SEC11A: variants seen among roughly 807,000 people sequenced by gnomAD.
The protein encoded by SEC11A is SEC11 homolog A, signal peptidase complex subunit.
SEC11A carries 14 observed loss-of-function variants against 25.6 expected under a neutral mutation model. The ratio of observed to expected loss-of-function variants is 0.55; its 90% confidence interval spans 0.36 to 0.85. The LOEUF (loss-of-function observed/expected upper bound fraction) is 0.85. Ranked by LOEUF, SEC11A falls within the 40% of genes least tolerant of loss-of-function variation. The probability of loss-of-function intolerance (pLI) is 0.01; values close to 1 mark genes in which losing one functional copy is unlikely to be tolerated. For missense variants in SEC11A, 153 were observed against 222.9 expected (o/e 0.69, Z 2.00); for synonymous variants, 83 against 76.4 (o/e 1.09, Z -0.45).
intron 4 of SEC11A, chr15:84,672,557 G>GT (rs1163565828): frequency 5.5e-6 from 1 of 180,490 alleles, no homozygotes. Context: ...ACGGAGTCTC[G>GT]TTCACTCAGT....
chr15:84,687,786 A>G lies in SEC11A; in HGVS notation c.162-12T>C, dbSNP rs374981318. 4.7e-5 allele frequency: 74 copies of G among 1,584,448 alleles called. No individual in the cohort carries two copies. Among genetic ancestry groups the G allele is most frequent in the Non-Finnish European group, 6.1e-5 (72 of 1,172,320 alleles). On this transcript the variant is annotated splice_polypyrimidine_tract_variant and intron_variant, in intron 2 of 5. Coordinates refer to ENST00000268220, the MANE Select transcript of SEC11A (RefSeq NM_014300.4). ...GTTCCATGCTGCCACTGGAAGGGAA[A>G]GAAGAATATAACAGCAAAAAGAAAG... is the stretch of plus-strand genomic sequence containing the variant.
At chr15:84,714,875 G>C (rs943306380) in intron 1 of SEC11A, 1 of 152,094 alleles carries the variant, frequency 6.6e-6, no homozygotes. Flanking sequence ...ACCTAGCATA[G>C]AGTACAATAA....
At chr15:84,703,416 G>A (rs758147969) in intron 1 of SEC11A, among the ~76,000 whole-genome samples, 5 of 152,184 alleles carry the variant, frequency 3.3e-5, no homozygotes, top group Admixed American at 1.3e-4. Context: ...GGCTCCTAAC[G>A]ATGCTACCCT....
intron 4 of SEC11A, among the ~76,000 whole-genome samples, chr15:84,677,449 A>G (rs1222001322): frequency 6.6e-6 from 1 of 150,598 alleles, no homozygotes. Flanking sequence ...AGCATTAAAT[A>G]GTGTGGAATT....
intron 3 of SEC11A, among the ~76,000 whole-genome samples, chr15:84,685,512 A>G (rs967040902): frequency 1.4e-5 from 2 of 148,138 alleles, no homozygotes; most frequent in Admixed American, 6.8e-5. Flanking sequence ...GCGCTCAAGC[A>G]CTCCACCCGC....
chr15:84,701,940 G>A (rs942447327), intron 1 of SEC11A, among the ~76,000 whole-genome samples: 3 of 150,008 alleles, frequency 2.0e-5, no homozygotes, highest in Admixed American at 6.6e-5. Context: ...GGTGGCGTGC[G>A]GCTGTAGTCC....
chr15:84,700,941 T>A (rs901258669), intron 1 of SEC11A, among the ~76,000 whole-genome samples: 3 of 143,568 alleles, frequency 2.1e-5, no homozygotes, highest in African/African-American at 7.8e-5. Context: ...CATCACGCCA[T>A]TGCATGTACT....
At chr15:84,708,482 C>A (rs1984829) in intron 1 of SEC11A, among the ~76,000 whole-genome samples, 128,062 of 152,062 alleles carry the variant, frequency 0.84, 54,375 homozygotes, top group African/African-American at 0.96. Context: ...ACATTTATTC[C>A]TATTAGGTCT....
intron 1 of SEC11A, among the ~76,000 whole-genome samples, chr15:84,695,307 T>C (rs1897735295): frequency 6.7e-6 from 1 of 149,338 alleles, no homozygotes; most frequent in African/African-American, 2.5e-5. Context: ...CTACTAAAAA[T>C]ACAAAATTAG....
intron 1 of SEC11A, among the ~76,000 whole-genome samples, chr15:84,712,116 C>T (rs754422825): frequency 2.0e-5 from 3 of 152,074 alleles, no homozygotes; most frequent in Non-Finnish European, 4.4e-5. Context: ...TGGCACACAT[C>T]CATAGTCCCA....
rs57015135 is a variant in SEC11A, at chr15:84,700,984, CAAA to C, written c.52-9343_52-9341del. Among the ~76,000 whole-genome samples, 124 of 78,000 alleles carry C rather than the reference CAAA, an allele frequency of 1.6e-3. 1 individual carries two copies. Among genetic ancestry groups the C allele is most frequent in the African/African-American group, 6.3e-3 (113 of 18,066 alleles). The allele number at this position is 78,000 out of a possible 152,430, so 51.2% of individuals were successfully genotyped here. A position where few individuals can be genotyped will look rare whatever the true frequency, so the allele number is the denominator to read the frequency against. The stretch of plus-strand genomic sequence containing the variant: ...GGGCAACAAGAGCGAAACTCCATAT[CAAA>C]AAAAAAAAAAAAAAAAAAATCCAAG... On this transcript the variant is annotated intron_variant, in intron 1 of 5. Coordinates refer to ENST00000268220, the MANE Select transcript of SEC11A (RefSeq NM_014300.4).
At chr15:84,683,047 G>C (rs1393767354) in intron 3 of SEC11A, among the ~76,000 whole-genome samples, 1 of 152,006 alleles carries the variant, frequency 6.6e-6, no homozygotes, top group Admixed American at 6.6e-5. Flanking sequence ...AGATGGTTAA[G>C]TGCAAACAGT....
intron 4 of SEC11A, among the ~76,000 whole-genome samples, chr15:84,678,335 T>C (rs1230885855): frequency 1.3e-5 from 2 of 152,174 alleles, no homozygotes; most frequent in Non-Finnish European, 2.9e-5. Flanking sequence ...CCTTAACATA[T>C]GAGTATGCTT....
chr15:84,701,128 T>C (rs763446761), intron 1 of SEC11A, among the ~76,000 whole-genome samples: 4 of 123,144 alleles, frequency 3.2e-5, no homozygotes, highest in Non-Finnish European at 5.1e-5. Context: ...CTTGAAGTCA[T>C]AACAATAGAA....
intron 4 of SEC11A, among the ~76,000 whole-genome samples, chr15:84,674,555 T>TA (rs527814875): frequency 9.3e-5 from 14 of 150,028 alleles, no homozygotes; most frequent in East Asian, 1.9e-4. Flanking sequence ...CCATGGAATT[T>TA]AAAAAAAAAA....
At chr15:84,686,144 T>A (rs1040951328) in intron 3 of SEC11A, among the ~76,000 whole-genome samples, 2 of 152,098 alleles carry the variant, frequency 1.3e-5, no homozygotes, top group Non-Finnish European at 2.9e-5. Flanking sequence ...TCCCAGTCAA[T>A]AATATAATGT....
Position 84,680,724 on chromosome 15 carries a change from C to G in SEC11A, c.420G>C (p.Gly140=), listed in dbSNP as rs1897265081. Residue 140 remains glycine (G), a synonymous_variant, in exon 4 of 6, where the codon GGG becomes GGC. Coordinates refer to ENST00000268220, the MANE Select transcript of SEC11A (RefSeq NM_014300.4). The stretch of plus-strand genomic sequence containing the variant: ...CCCTCTATACTTACCCCCTGGCTCT[C>G]CCCACAACATCTTTTTTCTCTAGCC... ...QHWLEKKDVV[G]RARGFVPYIG... 2 of 1,611,812 alleles carry G rather than the reference C, an allele frequency of 1.2e-6. No homozygotes were observed. Among genetic ancestry groups the G allele is most frequent in the Non-Finnish European group, 1.7e-6 (2 of 1,178,542 alleles).
chr15:84,712,795 T>C (rs1052824088), intron 1 of SEC11A, among the ~76,000 whole-genome samples: 2 of 152,192 alleles, frequency 1.3e-5, no homozygotes, highest in African/African-American at 2.4e-5. Context: ...ATTCCATTTA[T>C]ATAAAATGCA....
chr15:84,715,854 T>G (rs550670822), intron 1 of SEC11A, among the ~76,000 whole-genome samples, 171 bp downstream of exon 1: 1 of 152,134 alleles, frequency 6.6e-6, no homozygotes, highest in African/African-American at 2.4e-5. Context: ...GGGTTAAAAA[T>G]AATGAGGCGG....
Sources: allele counts gnomAD v4.1 joint callset (sites outside exome capture counted in the v4.1 genomes callset), GRCh38; gene constraint gnomAD v4.1.1; transcripts MANE v1.5; gene names NCBI Gene and HGNC (gene_info 2026-07-23, HGNC 2026-07-21).